Variants in CPS1 observed in about 807,000 individuals in gnomAD.
The protein encoded by CPS1 is carbamoyl-phosphate synthase 1, also known as carbamoyl-phosphate synthase [ammonia], mitochondrial.
A neutral mutation model predicts 174.6 loss-of-function variants in CPS1; 109 were observed. The ratio of observed to expected loss-of-function variants is 0.62; its 90% CI spans 0.53 to 0.73. CPS1 has a LOEUF of 0.73. Ranked by LOEUF, CPS1 falls within the 30% of genes least tolerant of loss-of-function variation. The pLI, the probability that CPS1 is intolerant of heterozygous loss-of-function variation, is 0.00. For synonymous variants in CPS1, 637 were observed against 632.0 expected (o/e 1.01, Z -0.12); for missense variants, 1,689 against 1,821.9 (o/e 0.93, Z 1.33).
chr2:210,591,447 G>A (rs1698293629), intron 9 of CPS1, among the ~76,000 whole-genome samples: 1 of 151,956 alleles, frequency 6.6e-6, no homozygotes. Flanking sequence ...GGTCTGAGCA[G>A]TCATCTCTTT....
At chr2:210,587,722 G>A (rs750593223) in intron 6 of CPS1, among the ~76,000 whole-genome samples, 1 of 152,044 alleles carries the variant, frequency 6.6e-6, no homozygotes, top group Non-Finnish European at 1.5e-5. Flanking sequence ...AGGCAATAAT[G>A]CTTAAACATT....
intron 6 of CPS1, among the ~76,000 whole-genome samples, chr2:210,587,007 G>A (rs1698133386): frequency 6.6e-6 from 1 of 151,910 alleles, no homozygotes; most frequent in South Asian, 2.1e-4. Flanking sequence ...ATTATTTGAT[G>A]AGAAAGATTA....
chr2:210,479,291 A>G (rs764615484), intron 1 of CPS1, among the ~76,000 whole-genome samples: 3 of 149,604 alleles, frequency 2.0e-5, no homozygotes, highest in South Asian at 4.2e-4. Flanking sequence ...CGACACCATC[A>G]TAGTGGATTA....
chr2:210,667,217 G>C (rs2105931690), intron 33 of CPS1, among the ~76,000 whole-genome samples: 1 of 152,238 alleles, frequency 6.6e-6, no homozygotes, highest in East Asian at 1.9e-4. Context: ...TCAGCTTAAG[G>C]AGATTTTGGG....
Position 210,518,166 on chromosome 2 carries a change from C to G in CPS1, c.4-38553C>G, listed in dbSNP as rs79346662. Reference sequence around the variant, plus strand: ...TTGTCACTAATATTTCTCAAGGTACCAACTATTGTGAGTTTCTAATTTTAT... The same window carrying G: ...TTGTCACTAATATTTCTCAAGGTACGAACTATTGTGAGTTTCTAATTTTAT... On this transcript the variant is annotated intron_variant, in intron 1 of 38. Coordinates refer to the CPS1 transcript ENST00000430249. Among the ~76,000 whole-genome samples the G allele has an allele frequency of 1.9e-3, 289 of 152,000 alleles. 1 individual carries two copies. The highest frequency in any genetic ancestry group is 3.3e-3 in the Non-Finnish European group (221 of 67,934).
At chr2:210,606,138 A>C (rs1184762112) in intron 17 of CPS1, among the ~76,000 whole-genome samples, 1 of 151,928 alleles carries the variant, frequency 6.6e-6, no homozygotes, top group Non-Finnish European at 1.5e-5. Flanking sequence ...CAGTTCTGTG[A>C]GCTCTATTAA....
At chr2:210,660,432 G>T in intron 31 of CPS1, 53 bp from the exon 32 acceptor site, 1 of 1,536,852 alleles carries the variant, frequency 6.5e-7, no homozygotes, top group Non-Finnish European at 9.0e-7. Context: ...TATTAATATT[G>T]TTGTTACTGG....
chr2:210,543,350 TC>T (rs984696484), intron 1 of CPS1, among the ~76,000 whole-genome samples: 4 of 151,958 alleles, frequency 2.6e-5, no homozygotes, highest in Admixed American at 2.6e-4. Flanking sequence ...GGGTCTGGGG[TC>T]TGATTGCCTT....
At position 210,486,127 on chromosome 2, in the gene CPS1, C is replaced by T. The variant is rs1159923754; in HGVS notation, c.3+8361C>T. On this transcript the variant is annotated intron_variant, in intron 1 of 38. Transcript: ENST00000430249. Reference sequence around the variant, plus strand: ...ATACACACACACATACACACACACACACACACACACACACACACACACACA... The same window carrying T: ...ATACACACACACATACACACACACATACACACACACACACACACACACACA... 7.6e-4 allele frequency among the ~76,000 whole-genome samples: 77 copies of T among 101,672 alleles called. 3 individuals are homozygous for T. The South Asian group carries it at 0.027, about 36-fold the overall frequency. The allele number at this position is 101,672 out of a possible 152,430, so 66.7% of individuals were successfully genotyped here.
At chr2:210,626,258 A>G (rs768142454) in intron 21 of CPS1, among the ~76,000 whole-genome samples, 12 of 152,136 alleles carry the variant, frequency 7.9e-5, no homozygotes, top group Non-Finnish European at 1.5e-4. Context: ...GGTGCTTTGT[A>G]TAAACACTCA....
At chr2:210,521,214 C>T (rs550857228) in intron 1 of CPS1, among the ~76,000 whole-genome samples, 1 of 152,016 alleles carries the variant, frequency 6.6e-6, no homozygotes, top group East Asian at 1.9e-4. Context: ...TGAAAGATTT[C>T]CTTGTTACAG....
chr2:210,481,979 C>G (rs1158914738), intron 1 of CPS1, among the ~76,000 whole-genome samples: 1 of 152,220 alleles, frequency 6.6e-6, no homozygotes, highest in Non-Finnish European at 1.5e-5. Context: ...CAGAGAGGAG[C>G]TGGCTTCTTT....
intron 1 of CPS1, among the ~76,000 whole-genome samples, chr2:210,559,795 C>A (rs1697039262): frequency 6.6e-6 from 1 of 152,094 alleles, no homozygotes; most frequent in Non-Finnish European, 1.5e-5. Flanking sequence ...GTTTTGTCAT[C>A]TGTATAGTGC....
intron 1 of CPS1, among the ~76,000 whole-genome samples, chr2:210,527,242 G>A (rs948286174): frequency 3.3e-5 from 5 of 151,870 alleles, no homozygotes; most frequent in African/African-American, 1.2e-4. Flanking sequence ...ATGTAGGCCA[G>A]TCACATACAT....
At chr2:210,630,450 A>AT (rs1463739872) in intron 21 of CPS1, among the ~76,000 whole-genome samples, 1 of 152,210 alleles carries the variant, frequency 6.6e-6, no homozygotes, top group Non-Finnish European at 1.5e-5. Context: ...TAAGTATGCC[A>AT]TTTTTTGAAA....
At chr2:210,546,827 T>A (rs1422676574) in intron 1 of CPS1, among the ~76,000 whole-genome samples, 1 of 151,898 alleles carries the variant, frequency 6.6e-6, no homozygotes, top group East Asian at 1.9e-4. Context: ...ATCACACATT[T>A]CTCCTTTGAT....
chr2:210,639,049 A>T (rs183359078), intron 22 of CPS1, 101 bp from the exon 23 acceptor site: 36 of 840,046 alleles, frequency 4.3e-5, no homozygotes, highest in African/African-American at 4.1e-4. Flanking sequence ...CTTTACAGTA[A>T]TAGGAATTAA....
intron 34 of CPS1, chr2:210,672,041 AC>A (rs1168236268): frequency 1.3e-5 from 2 of 152,062 alleles, no homozygotes; most frequent in East Asian, 3.9e-4. Context: ...CATCAAAATC[AC>A]CTGGAGGGTT....
intron 12 of CPS1, 28 bp downstream of exon 12, chr2:210,594,634 A>G (rs1315792942): frequency 3.9e-6 from 6 of 1,534,534 alleles, no homozygotes; most frequent in Non-Finnish European, 5.4e-6. Flanking sequence ...TTTTTGGTTT[A>G]TGAATTTTGG....
Sources: gnomAD v4.1 joint callset for allele counts (sites outside exome capture counted in the v4.1 genomes callset) on GRCh38, gnomAD v4.1.1 for gene constraint, MANE v1.5 for transcripts, NCBI Gene and HGNC (gene_info 2026-07-23, HGNC 2026-07-21) for gene names.